SYT16: variants seen among roughly 807,000 people sequenced by gnomAD.
The protein encoded by SYT16 is synaptotagmin-16.
A neutral mutation model predicts 61.4 loss-of-function variants in SYT16; 42 were observed. The observed-to-expected ratio is 0.68, with a 90% CI of 0.53 to 0.89. The LOEUF (loss-of-function observed/expected upper bound fraction) is 0.89, where lower values mean the gene tolerates loss of function less well. SYT16 is among the 40% of genes least tolerant of loss of function. The pLI is 0.00. For missense variants in SYT16, 804 were observed against 807.3 expected, an observed-to-expected ratio of 1.00 and a Z score of 0.05; for synonymous variants, 314 against 302.3, an observed-to-expected ratio of 1.04 and a Z score of -0.40.
rs540941197 is a variant in SYT16 at position 61,904,371 on chromosome 14, C to T, written c.-324-65761C>T. On this transcript the variant is annotated intron_variant, in intron 1 of 7. Coordinates refer to ENST00000683842, the MANE Select transcript of SYT16 (RefSeq NM_001367656.1). ...GGCAGATGCCAGCTTCCTTTCAGGG[C>T]CTCGGCAGGAGCAGCTCAGTGTAAT... is the stretch of plus-strand genomic sequence containing the variant. Among the ~76,000 whole-genome samples, 9 of 152,294 alleles carry T rather than the reference C, an allele frequency of 5.9e-5. No individual in the cohort carries two copies. The South Asian group carries it at 1.9e-3, about 32-fold the overall frequency.
chr14:61,926,292 AAC>A lies in SYT16; in HGVS notation c.-324-43836_-324-43835del, dbSNP rs961007015. Among the ~76,000 whole-genome samples the A allele has an allele frequency of 2.6e-5, 4 of 152,142 alleles. No homozygotes were observed. The South Asian group carries it at 8.3e-4, about 32-fold the overall frequency. On this transcript the variant is annotated intron_variant, in intron 1 of 7. Transcript: ENST00000683842. The stretch of plus-strand genomic sequence containing the variant: ...TTCTGTCTGGTTGAAACTCATGGGA[AAC>A]ACAGTGTTTAGTTTTTATTGCCACC...
At chr14:61,912,675 G>A (rs990111885) in intron 1 of SYT16, among the ~76,000 whole-genome samples, 1 of 152,110 alleles carries the variant, frequency 6.6e-6, no homozygotes, top group South Asian at 2.1e-4. Context: ...AAGTAGCAAA[G>A]AAAATAATAG....
At chr14:61,941,371 C>T (rs1462657886) in intron 1 of SYT16, among the ~76,000 whole-genome samples, 2 of 152,202 alleles carry the variant, frequency 1.3e-5, no homozygotes, top group Non-Finnish European at 2.9e-5. Context: ...AGATCTACAA[C>T]AGTATCCTCA....
At chr14:61,832,522 C>A (rs1481493599) in intron 1 of SYT16, among the ~76,000 whole-genome samples, 1 of 152,098 alleles carries the variant, frequency 6.6e-6, no homozygotes, top group African/African-American at 2.4e-5. Context: ...CTGCAACCTC[C>A]GCCTCCCGAG....
At chr14:61,980,939 A>G (rs1013321970) in intron 2 of SYT16, among the ~76,000 whole-genome samples, 1 of 135,672 alleles carries the variant, frequency 7.4e-6, no homozygotes, top group African/African-American at 2.9e-5. Flanking sequence ...AACAGTACCA[A>G]CATTGTGTGT....
chr14:62,035,585 G>A (rs1228804396), intron 3 of SYT16, among the ~76,000 whole-genome samples: 1 of 152,176 alleles, frequency 6.6e-6, no homozygotes, highest in Non-Finnish European at 1.5e-5. Flanking sequence ...TTGATTAACA[G>A]GGTTTCACTG....
At chr14:61,976,625 C>T (rs1034111215) in intron 2 of SYT16, among the ~76,000 whole-genome samples, 9 of 152,110 alleles carry the variant, frequency 5.9e-5, no homozygotes, top group Non-Finnish European at 1.3e-4. Context: ...TGTATGTTGG[C>T]CCCTTTTAGC....
chr14:61,929,116 G>T (rs929518688), intron 1 of SYT16, among the ~76,000 whole-genome samples: 2 of 152,164 alleles, frequency 1.3e-5, no homozygotes, highest in African/African-American at 4.8e-5. Flanking sequence ...AGAGTGATCC[G>T]GGGATTACTA....
At chr14:62,025,098 G>A (rs79436947) in intron 3 of SYT16, among the ~76,000 whole-genome samples, 71 of 152,040 alleles carry the variant, frequency 4.7e-4, no homozygotes, top group Non-Finnish European at 4.7e-4. Context: ...ATAAATATCC[G>A]TGTACAGGTT....
intron 3 of SYT16, among the ~76,000 whole-genome samples, chr14:62,068,787 C>G (rs1384137796): frequency 1.3e-5 from 2 of 152,002 alleles, no homozygotes; most frequent in Non-Finnish European, 2.9e-5. Context: ...CACAATGAGT[C>G]TCTTTTCTCT....
intron 7 of SYT16, among the ~76,000 whole-genome samples, chr14:62,093,285 A>G (rs2057156754): frequency 6.6e-6 from 1 of 152,142 alleles, no homozygotes; most frequent in Admixed American, 6.6e-5. Flanking sequence ...AATGTAACCA[A>G]TTCAATAGAA....
chr14:62,034,906 A>G (rs1467795366), intron 3 of SYT16, among the ~76,000 whole-genome samples: 1 of 152,228 alleles, frequency 6.6e-6, no homozygotes, highest in Non-Finnish European at 1.5e-5. Context: ...CACAAACAAA[A>G]CAAAAACTGT....
chr14:61,832,049 G>GGCA, intron 1 of SYT16: 1 of 709,458 alleles, frequency 1.4e-6, no homozygotes, highest in East Asian at 2.7e-5. Flanking sequence ...GGAAGAACAT[G>GGCA]GCAGCGCCCA....
At chr14:61,935,007 A>T (rs1040978243) in intron 1 of SYT16, among the ~76,000 whole-genome samples, 1 of 152,210 alleles carries the variant, frequency 6.6e-6, no homozygotes, top group Non-Finnish European at 1.5e-5. Context: ...GCATAAATTT[A>T]AGGTGTGCAA....
rs140137192 is a variant in SYT16, at chr14:62,013,381, G to A, written c.523+16839G>A. ...GCTACAAGAAATTCAGCTCAACAGCGTTTACTGGCAATGAAAAAATTCCTG... is the reference window on the plus strand; with the variant it reads ...GCTACAAGAAATTCAGCTCAACAGCATTTACTGGCAATGAAAAAATTCCTG... On this transcript the variant is annotated intron_variant, in intron 3 of 7. Transcript: ENST00000683842. 7.7e-3 allele frequency among the ~76,000 whole-genome samples: 1,172 copies of A among 152,212 alleles called. 19 individuals are homozygous for A. Among genetic ancestry groups the A allele is most frequent in the African/African-American group, 0.027 (1,133 of 41,530 alleles).
chr14:62,075,129 A>G lies in SYT16; in HGVS notation c.737-6A>G. On this transcript the variant is annotated splice_region_variant and splice_polypyrimidine_tract_variant and intron_variant, in intron 4 of 7. Coordinates refer to ENST00000683842, the MANE Select transcript of SYT16 (RefSeq NM_001367656.1). ...ATTTGAAATGGTTTTCTTATTGCAAATTTAGATTTGGATGGAGCCAGCCAA... is the reference window on the plus strand; with the variant it reads ...ATTTGAAATGGTTTTCTTATTGCAAGTTTAGATTTGGATGGAGCCAGCCAA... 1 of 1,594,838 alleles carries G rather than the reference A, an allele frequency of 6.3e-7. No homozygotes were observed. Among genetic ancestry groups the G allele is most frequent in the Non-Finnish European group, 8.6e-7 (1 of 1,166,974 alleles).
chr14:61,818,082 G>A (rs925323236), intron 1 of SYT16, among the ~76,000 whole-genome samples: 2 of 152,156 alleles, frequency 1.3e-5, no homozygotes, highest in Admixed American at 6.5e-5. Flanking sequence ...AATAAATAAC[G>A]TTGGACTCCT....
intron 5 of SYT16, among the ~76,000 whole-genome samples, chr14:62,076,443 TA>T (rs11336905): frequency 0.33 from 48,036 of 143,684 alleles, 8,285 homozygotes; most frequent in African/African-American, 0.48. Context: ...ATGCTCAAGG[TA>T]AAAAAAAAAA....
Position 61,889,857 on chromosome 14 carries a change from A to G in SYT16, c.-325+77047A>G, listed in dbSNP as rs190955713. Among the ~76,000 whole-genome samples the G allele has an allele frequency of 1.4e-3, 210 of 151,972 alleles. 1 individual carries two copies. Among genetic ancestry groups the G allele is most frequent in the Non-Finnish European group, 2.4e-3 (161 of 67,978 alleles). On this transcript the variant is annotated intron_variant, in intron 1 of 7. Coordinates refer to ENST00000683842, the MANE Select transcript of SYT16 (RefSeq NM_001367656.1). ...CCTTTATACCAACACAAAACAGACT[A>G]AGACACTCATTTAGCAGTATTTTTT...
Sources: allele counts gnomAD v4.1 joint callset (sites outside exome capture counted in the v4.1 genomes callset), GRCh38; gene constraint gnomAD v4.1.1; transcripts MANE v1.5; gene names NCBI Gene and HGNC (gene_info 2026-07-23, HGNC 2026-07-21).